Variants in ADGRG7 observed in about 807,000 individuals in gnomAD.
ADGRG7 encodes G-protein coupled receptor 128.
Under a neutral mutation model 88.6 loss-of-function variants are expected in ADGRG7, and 82 were observed. That is an observed-to-expected ratio of 0.93 (90% CI 0.77 to 1.11). The LOEUF is 1.11. ADGRG7 is among the 50% of genes most tolerant of loss of function. The probability of loss-of-function intolerance (pLI) is 0.00; values close to 1 mark genes in which losing one functional copy is unlikely to be tolerated. For missense variants in ADGRG7, 945 were observed against 953.4 expected (o/e 0.99, Z 0.12); for synonymous variants, 381 against 345.2 (o/e 1.10, Z -1.15).
At chr3:100,611,268 C>T (rs936262714) in intron 1 of ADGRG7, among the ~76,000 whole-genome samples, 1 of 136,198 alleles carries the variant, frequency 7.3e-6, no homozygotes, top group African/African-American at 2.7e-5. Flanking sequence ...TCCTTCCTTC[C>T]TTCCTTCCTT....
At chr3:100,625,584 G>C (rs1227892248) in intron 1 of ADGRG7, among the ~76,000 whole-genome samples, 1 of 151,662 alleles carries the variant, frequency 6.6e-6, no homozygotes, top group Non-Finnish European at 1.5e-5. Flanking sequence ...GTTGGTGAGA[G>C]GGGGCATCCT....
rs1259082467 is a variant in ADGRG7 at position 100,635,678 on chromosome 3, T to C, written c.449T>C (p.Val150Ala). Residue 150 changes from valine (V) to alanine (A), a missense_variant and splice_region_variant, in exon 5 of 16, where the codon GTA becomes GCA. By Grantham distance (64) the Val-to-Ala change is moderately conservative. Transcript: ENST00000273352. ...NENLETLEKQ[V>A]KDVTAPLNNI... ...TTTTTTTTCTGGTTTTTAAAACAGG[T>C]AAAGGATGTCACAGCACCACTTAAT... The C allele has an allele frequency of 6.2e-7, 1 of 1,611,884 alleles. No homozygotes were observed. Among genetic ancestry groups the C allele is most frequent in the South Asian group, 1.1e-5 (1 of 90,340 alleles).
intron 15 of ADGRG7, among the ~76,000 whole-genome samples, chr3:100,674,086 C>T (rs1249574559): frequency 1.3e-5 from 2 of 152,116 alleles, no homozygotes; most frequent in East Asian, 3.8e-4. Flanking sequence ...TACATTGTGT[C>T]TTTGTTCTCA....
chr3:100,680,023 C>T (rs1472776925), intron 15 of ADGRG7, among the ~76,000 whole-genome samples: 2 of 152,132 alleles, frequency 1.3e-5, no homozygotes, highest in Non-Finnish European at 2.9e-5. Context: ...TAAAGGTACA[C>T]CTATCCTTAC....
intron 15 of ADGRG7, among the ~76,000 whole-genome samples, chr3:100,679,314 G>A (rs1028589749): frequency 2.0e-5 from 3 of 152,178 alleles, no homozygotes; most frequent in African/African-American, 4.8e-5. Flanking sequence ...AGGCTCTTCA[G>A]TCAGTCTGTG....
intron 10 of ADGRG7, 80 bp downstream of exon 10, chr3:100,646,804 C>T (rs1178588463): frequency 9.5e-6 from 11 of 1,162,112 alleles, no homozygotes; most frequent in Non-Finnish European, 1.4e-5. Flanking sequence ...TTGGAGATAA[C>T]TTTGGGATTT....
chr3:100,668,808 T>C, intron 14 of ADGRG7, 141 bp from the exon 15 acceptor site: 1 of 514,034 alleles, frequency 1.9e-6, no homozygotes, highest in Non-Finnish European at 3.3e-6. Flanking sequence ...TTAGCATCAT[T>C]TTTCCACCTG....
Position 100,651,524 on chromosome 3 carries a change from A to G in ADGRG7, c.1379+1717A>G, listed in dbSNP as rs115383605. 3.5e-3 allele frequency among the ~76,000 whole-genome samples: 526 copies of G among 152,230 alleles called. 5 individuals are homozygous for G. Among genetic ancestry groups the G allele is most frequent in the Non-Finnish European group, 5.1e-3 (349 of 68,010 alleles). On this transcript the variant is annotated intron_variant, in intron 11 of 15. Transcript: ENST00000273352. ...CTAGCACAATTATGCAACCAAAGAT[A>G]CCACTAAAATTCATCAGGAAACAAA... is the stretch of plus-strand genomic sequence containing the variant.
At chr3:100,669,296 A>C (rs1145337) in intron 15 of ADGRG7, among the ~76,000 whole-genome samples, 191 bp downstream of exon 15, 134,055 of 151,738 alleles carry the variant, frequency 0.88, 60,998 homozygotes, top group Non-Finnish European at 1. Context: ...ACCATCCTGG[A>C]TAACATGGGG....
chr3:100,646,225 A>AGGGAG, intron 9 of ADGRG7, 117 bp downstream of exon 9: 1 of 123,520 alleles, frequency 8.1e-6, no homozygotes. Flanking sequence ...GGCGGGGGGG[A>AGGGAG]GGGTTTTCCA....
At chr3:100,646,881 C>A (rs116220797) in intron 10 of ADGRG7, among the ~76,000 whole-genome samples, 157 bp downstream of exon 10, 1 of 152,272 alleles carries the variant, frequency 6.6e-6, no homozygotes, top group African/African-American at 2.4e-5. Context: ...GACTTAAGGC[C>A]GGGCGCGGTG....
intron 15 of ADGRG7, among the ~76,000 whole-genome samples, chr3:100,688,762 T>C (rs911892462): frequency 3.2e-4 from 48 of 152,310 alleles, no homozygotes; most frequent in African/African-American, 1.0e-3. Flanking sequence ...TAATTTCTGT[T>C]CTTTTACATT....
intron 14 of ADGRG7, among the ~76,000 whole-genome samples, chr3:100,660,882 G>A (rs2094944374): frequency 6.6e-6 from 1 of 151,720 alleles, no homozygotes; most frequent in South Asian, 2.1e-4. Flanking sequence ...AACCCAGGAG[G>A]TGGAGGTTGT....
At position 100,659,864 on chromosome 3, in the gene ADGRG7, G is replaced by A. The variant is rs770099235; in HGVS notation, c.1979+21G>A. The A allele has an allele frequency of 8.1e-6, 13 of 1,610,384 alleles. No homozygotes were observed. In the South Asian group the frequency reaches 1.2e-4, roughly 15 times the overall value. Reference sequence around the variant, plus strand: ...ACAAGGTAAGATTCCCAATGAATGGGAAGCTGCCAGGCAAGGCTCATCCAG... The same window carrying A: ...ACAAGGTAAGATTCCCAATGAATGGAAAGCTGCCAGGCAAGGCTCATCCAG... On this transcript the variant is annotated intron_variant, in intron 14 of 15. Coordinates refer to ENST00000273352, the MANE Select transcript of ADGRG7 (RefSeq NM_032787.3).
intron 1 of ADGRG7, among the ~76,000 whole-genome samples, chr3:100,610,853 A>G (rs1364153234): frequency 6.6e-6 from 1 of 152,188 alleles, no homozygotes; most frequent in African/African-American, 2.4e-5. Flanking sequence ...CTGAGCAGGT[A>G]ACTGGGGAGG....
chr3:100,648,890 C>T (rs1484113973), intron 10 of ADGRG7, among the ~76,000 whole-genome samples: 2 of 152,134 alleles, frequency 1.3e-5, no homozygotes, highest in Non-Finnish European at 2.9e-5. Context: ...TCTAAGATTA[C>T]ATACTCATAT....
intron 5 of ADGRG7, 41 bp downstream of exon 5, chr3:100,635,867 T>G: frequency 6.9e-7 from 1 of 1,444,582 alleles, no homozygotes; most frequent in South Asian, 1.2e-5. Flanking sequence ...TTTTTTTATT[T>G]TTAGAGGGGG....
intron 14 of ADGRG7, among the ~76,000 whole-genome samples, chr3:100,666,018 G>C (rs548139506): frequency 6.6e-6 from 1 of 151,904 alleles, no homozygotes; most frequent in Non-Finnish European, 1.5e-5. Context: ...CTGTCTTGAC[G>C]GGCTTGGATG....
Position 100,630,693 on chromosome 3 carries a change from T to C in ADGRG7, c.230-12T>C. The C allele has an allele frequency of 2.4e-6, 3 of 1,267,468 alleles. No individual in the cohort carries two copies. The highest frequency in any genetic ancestry group is 2.2e-5 in the South Asian group (1 of 44,714). The allele number at this position is 1,267,468 out of a possible 1,614,324, so 78.5% of individuals were successfully genotyped here. The stretch of plus-strand genomic sequence containing the variant: ...ACAATTTATAATAAAGAACTTTTTC[T>C]CTTTATTACAGCTAATTTTTGTGAA... On this transcript the variant is annotated splice_polypyrimidine_tract_variant and intron_variant, in intron 2 of 15. Transcript: ENST00000273352.
Sources: gnomAD v4.1 joint callset for allele counts (sites outside exome capture counted in the v4.1 genomes callset) on GRCh38, gnomAD v4.1.1 for gene constraint, MANE v1.5 for transcripts, NCBI Gene and HGNC (gene_info 2026-07-23, HGNC 2026-07-21) for gene names.